Variants in NEXN observed in about 807,000 individuals in gnomAD.
The protein encoded by NEXN is nexilin F-actin binding protein, also known as nexilin.
In NEXN, 65 loss-of-function variants were observed where a neutral mutation model predicts 92.6. The observed-to-expected ratio is 0.70, with a 90% CI of 0.57 to 0.86. The LOEUF is 0.86. Among genes scored for constraint, NEXN ranks in the 40% least tolerant of loss-of-function variants. NEXN has a pLI of 0.00. For synonymous variants in NEXN, 254 were observed against 242.5 expected, an observed-to-expected ratio of 1.05 and a Z score of -0.44; for missense variants, 778 against 771.1, an observed-to-expected ratio of 1.01 and a Z score of -0.11.
chr1:77,927,366 T>C (rs1224087516), intron 8 of NEXN, among the ~76,000 whole-genome samples: 3 of 152,222 alleles, frequency 2.0e-5, no homozygotes, highest in Admixed American at 2.0e-4. Flanking sequence ...GTTATTAATG[T>C]ATAAATATGC....
At chr1:77,899,601 A>G (rs925647752) in intron 1 of NEXN, among the ~76,000 whole-genome samples, 3 of 152,182 alleles carry the variant, frequency 2.0e-5, no homozygotes, top group Non-Finnish European at 4.4e-5. Flanking sequence ...TGGCACATGT[A>G]TACATATGTA....
At chr1:77,934,224 G>T (rs527392476) in intron 10 of NEXN, among the ~76,000 whole-genome samples, 3 of 152,202 alleles carry the variant, frequency 2.0e-5, no homozygotes, top group Non-Finnish European at 4.4e-5. Flanking sequence ...CGGCCAGGCT[G>T]ATCTCGAACT....
At chr1:77,941,027 T>G (rs1311111467) in intron 11 of NEXN, among the ~76,000 whole-genome samples, 2 of 152,168 alleles carry the variant, frequency 1.3e-5, no homozygotes, top group Non-Finnish European at 2.9e-5. Context: ...GGAAATGAGG[T>G]AGGTACAAGG....
intron 1 of NEXN, among the ~76,000 whole-genome samples, chr1:77,906,191 T>C (rs1254815431): frequency 2.0e-5 from 3 of 152,088 alleles, no homozygotes; most frequent in Non-Finnish European, 4.4e-5. Context: ...AAGGAGTGAC[T>C]GAGAGTATCA....
At position 77,942,033 on chromosome 1, in the gene NEXN, T is replaced by C. The variant is rs779810551; in HGVS notation, c.1484T>C (p.Val495Ala). 19 of 1,612,724 alleles carry C rather than the reference T, an allele frequency of 1.2e-5. No homozygotes were observed. The highest frequency in any genetic ancestry group is 4.2e-6 in the Non-Finnish European group (5 of 1,179,236). Residue 495 changes from valine to alanine, a missense_variant, in exon 12 of 13, where the codon GTT becomes GCT. Physicochemically the swap from Val to Ala is moderately conservative, Grantham distance 64. Coordinates refer to ENST00000334785, the MANE Select transcript of NEXN (RefSeq NM_144573.4). ...CCCACTTTCTTGCAGGAAGATGATG[T>C]TGATGTTAGGCCTGCAAGAAAAAGC... ...EAENFHEEDD[V>A]DVRPARKSEA... is the part of the protein sequence containing the mutation.
At position 77,942,796 on chromosome 1, in the gene NEXN, T is replaced by C. The variant is rs757311272; in HGVS notation, c.1995T>C (p.Ser665=). The C allele has an allele frequency of 6.8e-6, 11 of 1,611,128 alleles. 1 individual carries two copies. The highest frequency in any genetic ancestry group is 2.2e-5 in the South Asian group (2 of 90,896). Residue 665 remains serine, a synonymous_variant, in exon 13 of 13, where the codon AGT becomes AGC. Transcript: ENST00000334785. The part of the protein sequence containing the change: ...KAVNNKGSAA[S]TCILTIESKN ...TCAACAATAAAGGATCTGCAGCTAG[T>C]ACCTGTATTCTTACCATTGAAAGTA...
chr1:77,918,581 G>T (rs889090630), intron 5 of NEXN, among the ~76,000 whole-genome samples: 4 of 151,384 alleles, frequency 2.6e-5, no homozygotes, highest in Non-Finnish European at 5.9e-5. Flanking sequence ...TAGGAGGTTC[G>T]CTTGAGCCTG....
At chr1:77,933,523 T>TGATATAAGTA in intron 10 of NEXN, 44 bp downstream of exon 10, 2 of 1,298,090 alleles carry the variant, frequency 1.5e-6, no homozygotes, top group Non-Finnish European at 2.2e-6. Context: ...TTTATTAAGC[T>TGATATAAGTA]AAATATTTTA....
Position 77,942,457 on chromosome 1 carries a change from A to G in NEXN, c.1660-4A>G. The G allele has an allele frequency of 6.2e-7, 1 of 1,613,026 alleles. No individual in the cohort carries two copies. Among genetic ancestry groups the G allele is most frequent in the Non-Finnish European group, 8.5e-7 (1 of 1,179,330 alleles). ...CCAACCTGAATGCATTTATTTTAATACAGAAAAGAGAAGAGGAGGAGGAGG... is the reference window on the plus strand; with the variant it reads ...CCAACCTGAATGCATTTATTTTAATGCAGAAAAGAGAAGAGGAGGAGGAGG... On this transcript the variant is annotated splice_polypyrimidine_tract_variant and splice_region_variant and intron_variant, in intron 12 of 12. Coordinates refer to ENST00000334785, the MANE Select transcript of NEXN (RefSeq NM_144573.4).
chr1:77,926,639 G>A, intron 7 of NEXN, 28 bp downstream of exon 7: 1 of 1,613,846 alleles, frequency 6.2e-7, no homozygotes, highest in Non-Finnish European at 8.5e-7. Context: ...TGTTTTCTAA[G>A]AAACAAATCA....
At chr1:77,923,003 CTTTTTTTTT>C (rs753111389) in intron 5 of NEXN, among the ~76,000 whole-genome samples, 1 of 112,386 alleles carries the variant, frequency 8.9e-6, no homozygotes, top group African/African-American at 3.3e-5. Context: ...AATTGGGTGT[CTTTTTTTTT>C]TTTTTTTTTT....
rs1462919152 is a variant in NEXN at position 77,900,113 on chromosome 1, C to T, written c.-53+11354C>T. ...TGCACAGTATTCATTCTAGTCTGTG[C>T]CCAGCCTGTCCTTCTAGTTTTGCCA... On this transcript the variant is annotated intron_variant, in intron 1 of 12. Coordinates refer to ENST00000334785, the MANE Select transcript of NEXN (RefSeq NM_144573.4). Among the ~76,000 whole-genome samples, 4 of 152,234 alleles carry T rather than the reference C, an allele frequency of 2.6e-5. No homozygotes were observed. In the East Asian group the frequency reaches 7.7e-4, roughly 29 times the overall value.
chr1:77,918,511 C>G (rs1476654048), intron 5 of NEXN, among the ~76,000 whole-genome samples: 1 of 151,842 alleles, frequency 6.6e-6, no homozygotes, highest in Non-Finnish European at 1.5e-5. Flanking sequence ...CAAAAAAATA[C>G]AAAAATTAGC....
chr1:77,925,079 A>C (rs1226593001), intron 5 of NEXN, 109 bp from the exon 6 acceptor site: 2 of 715,178 alleles, frequency 2.8e-6, no homozygotes, highest in East Asian at 5.5e-5. Flanking sequence ...AAAAATTATA[A>C]ATTTGAAAAT....
intron 8 of NEXN, 47 bp downstream of exon 8, chr1:77,926,939 C>A (rs1186395263): frequency 1.9e-6 from 3 of 1,609,590 alleles, no homozygotes; most frequent in Non-Finnish European, 2.5e-6. Context: ...ATGAAGTTAG[C>A]CGACTTAAGA....
chr1:77,908,315 T>G (rs1011816669), intron 1 of NEXN, among the ~76,000 whole-genome samples: 3 of 151,982 alleles, frequency 2.0e-5, no homozygotes, highest in South Asian at 4.1e-4. Context: ...GCTCAAGCGA[T>G]TCTCCCACCT....
intron 10 of NEXN, among the ~76,000 whole-genome samples, chr1:77,934,122 G>T (rs1181954208): frequency 1.4e-5 from 2 of 145,220 alleles, no homozygotes; most frequent in African/African-American, 5.1e-5. Context: ...CAATTCTCCT[G>T]CCTCAGCCTC....
chr1:77,894,405 T>C (rs1647174453), intron 1 of NEXN, among the ~76,000 whole-genome samples: 1 of 152,310 alleles, frequency 6.6e-6, no homozygotes, highest in African/African-American at 2.4e-5. Flanking sequence ...TACTTCATTA[T>C]TATTTTTTGG....
At chr1:77,915,315 A>G (rs1334088745) in intron 1 of NEXN, among the ~76,000 whole-genome samples, 2 of 152,126 alleles carry the variant, frequency 1.3e-5, no homozygotes, top group African/African-American at 4.8e-5. Flanking sequence ...GCTGTCTCTA[A>G]AAAATAAATG....
Sources: gnomAD v4.1 joint callset for allele counts (sites outside exome capture counted in the v4.1 genomes callset) on GRCh38, gnomAD v4.1.1 for gene constraint, MANE v1.5 for transcripts, NCBI Gene and HGNC (gene_info 2026-07-23, HGNC 2026-07-21) for gene names.